Variants in CCDC91 observed in about 807,000 individuals in gnomAD.
CCDC91 encodes the protein coiled-coil domain containing 91, also known as coiled-coil domain-containing protein 91.
Under a neutral mutation model 63.2 loss-of-function variants are expected in CCDC91, and 48 were observed. The ratio of observed to expected loss-of-function variants is 0.76; its 90% CI spans 0.60 to 0.97. CCDC91 has a LOEUF of 0.97. Ranked by LOEUF, CCDC91 falls within the 50% of genes least tolerant of loss-of-function variation. The pLI is 0.00. For synonymous variants in CCDC91, 167 were observed against 165.8 expected (o/e 1.01, Z -0.06); for missense variants, 500 against 494.6 (o/e 1.01, Z -0.10).
intron 3 of CCDC91, among the ~76,000 whole-genome samples, chr12:28,273,274 A>G (rs1045164198): frequency 1.3e-5 from 2 of 152,070 alleles, no homozygotes; most frequent in African/African-American, 4.8e-5. Context: ...AGTCTTTGCT[A>G]TTGTGAATAG....
At chr12:28,380,317 G>A (rs1945219998) in intron 7 of CCDC91, among the ~76,000 whole-genome samples, 1 of 152,018 alleles carries the variant, frequency 6.6e-6, no homozygotes, top group Non-Finnish European at 1.5e-5. Flanking sequence ...AGAACTTAAA[G>A]TATAATAATA....
chr12:28,264,168 C>T (rs776229049), intron 3 of CCDC91, among the ~76,000 whole-genome samples: 8 of 151,642 alleles, frequency 5.3e-5, no homozygotes, highest in Non-Finnish European at 7.4e-5. Context: ...ACAATAGAGA[C>T]TAGACTAAAT....
chr12:28,308,935 A>T (rs539652063), intron 6 of CCDC91, among the ~76,000 whole-genome samples: 2 of 152,098 alleles, frequency 1.3e-5, no homozygotes, highest in South Asian at 2.1e-4. Flanking sequence ...ATCAAATCAG[A>T]TCCCAGACTC....
chr12:28,266,967 A>G (rs2136284798), intron 3 of CCDC91, among the ~76,000 whole-genome samples: 1 of 152,014 alleles, frequency 6.6e-6, no homozygotes, highest in Middle Eastern at 3.4e-3. Flanking sequence ...CCATTCTTAT[A>G]CCAGTATATA....
chr12:28,424,858 C>T (rs1287003583), intron 8 of CCDC91, among the ~76,000 whole-genome samples: 3 of 151,734 alleles, frequency 2.0e-5, no homozygotes, highest in Non-Finnish European at 2.9e-5. Context: ...TGTTTTTTTC[C>T]GCCATTAACT....
chr12:28,295,072 G>C (rs559680639), intron 3 of CCDC91, among the ~76,000 whole-genome samples: 1 of 152,210 alleles, frequency 6.6e-6, no homozygotes, highest in East Asian at 1.9e-4. Context: ...TATATTTACA[G>C]CTCTTCATAT....
chr12:28,363,058 A>G (rs1228646647), intron 7 of CCDC91, among the ~76,000 whole-genome samples: 1 of 152,122 alleles, frequency 6.6e-6, no homozygotes, highest in Non-Finnish European at 1.5e-5. Flanking sequence ...TTTAATGTCA[A>G]ATTTTTATTT....
intron 11 of CCDC91, among the ~76,000 whole-genome samples, chr12:28,457,658 G>T (rs1252932168): frequency 6.6e-6 from 1 of 151,720 alleles, no homozygotes; most frequent in South Asian, 2.1e-4. Context: ...GATTGTGGTA[G>T]ATAATTCTCA....
rs542013370 is a variant in CCDC91, at chr12:28,254,423, T to C, written c.-14-2779T>C. ...TGGGCTATAATGTTAAATGCTAGAA[T>C]ATTCTAAAATACTTGATAAGAATGC... On this transcript the variant is annotated intron_variant, in intron 1 of 12. Coordinates refer to ENST00000536442, the MANE Select transcript of CCDC91 (RefSeq NM_018318.5). Among the ~76,000 whole-genome samples the C allele has an allele frequency of 1.2e-4, 18 of 152,330 alleles. No individual in the cohort carries two copies. The South Asian group carries it at 3.7e-3, about 32-fold the overall frequency.
chr12:28,268,123 G>A (rs2136325777), intron 3 of CCDC91, among the ~76,000 whole-genome samples: 1 of 149,992 alleles, frequency 6.7e-6, no homozygotes, highest in African/African-American at 2.5e-5. Context: ...CAGTGCACTG[G>A]CACAATCTTG....
intron 12 of CCDC91, among the ~76,000 whole-genome samples, chr12:28,532,998 A>G (rs1941867797): frequency 6.6e-6 from 1 of 152,128 alleles, no homozygotes; most frequent in Admixed American, 6.6e-5. Context: ...ACGGGTTAGT[A>G]GCATTCGTTC....
Position 28,206,064 on chromosome 12 carries a change from G to A in CCDC91, c.-15+15423G>A, listed in dbSNP as rs1195281495. Among the ~76,000 whole-genome samples the A allele has an allele frequency of 3.3e-5, 5 of 152,254 alleles. No individual in the cohort carries two copies. The East Asian group carries it at 9.6e-4, about 29-fold the overall frequency. On this transcript the variant is annotated intron_variant, in intron 1 of 12. Coordinates refer to ENST00000536442, the MANE Select transcript of CCDC91 (RefSeq NM_018318.5). ...TATGCTGGAATGTCCTGTTTACAGG[G>A]GAAAAACAAACCAGGTCTGTTCTCC...
intron 3 of CCDC91, among the ~76,000 whole-genome samples, chr12:28,301,008 C>T (rs1408692765): frequency 6.6e-6 from 1 of 151,592 alleles, no homozygotes; most frequent in Non-Finnish European, 1.5e-5. Context: ...TATGTATTCT[C>T]ATGATAGAAA....
chr12:28,464,087 C>T (rs1304725689), intron 11 of CCDC91, among the ~76,000 whole-genome samples: 2 of 152,048 alleles, frequency 1.3e-5, no homozygotes, highest in Non-Finnish European at 2.9e-5. Flanking sequence ...CTTGTTATAC[C>T]AGAAAGCAAA....
intron 3 of CCDC91, among the ~76,000 whole-genome samples, chr12:28,267,684 TATAAATTATTTATTA>T (rs1167132479): frequency 4.4e-5 from 5 of 113,270 alleles, no homozygotes; most frequent in Non-Finnish European, 7.0e-5. Flanking sequence ...TTATATGTTA[TATAAATTATTTATTA>T]TATATAATTA....
intron 6 of CCDC91, among the ~76,000 whole-genome samples, chr12:28,335,006 T>C (rs1381441558): frequency 1.4e-5 from 2 of 147,414 alleles, no homozygotes. Flanking sequence ...TATAAATATA[T>C]ACAAATTTAA....
chr12:28,336,014 C>T (rs1339089236), intron 6 of CCDC91, among the ~76,000 whole-genome samples: 4 of 150,286 alleles, frequency 2.7e-5, no homozygotes, highest in Admixed American at 1.3e-4. Flanking sequence ...TTTATTTCCT[C>T]GGAAATGATT....
chr12:28,544,867 AAG>A (rs1942877863), intron 12 of CCDC91, among the ~76,000 whole-genome samples: 1 of 152,064 alleles, frequency 6.6e-6, no homozygotes, highest in Admixed American at 6.6e-5. Flanking sequence ...ACACTCATGA[AAG>A]GGTAAATCTA....
At chr12:28,478,998 CT>C (rs1364839323) in intron 11 of CCDC91, among the ~76,000 whole-genome samples, 1 of 152,150 alleles carries the variant, frequency 6.6e-6, no homozygotes, top group Non-Finnish European at 1.5e-5. Context: ...AATAGGAACA[CT>C]TTTACACTGT....
Sources: allele counts gnomAD v4.1 joint callset (sites outside exome capture counted in the v4.1 genomes callset), GRCh38; gene constraint gnomAD v4.1.1; transcripts MANE v1.5; gene names NCBI Gene and HGNC (gene_info 2026-07-23, HGNC 2026-07-21).